Variants in PFKFB3 observed in about 807,000 individuals in gnomAD.
PFKFB3 encodes 6-phosphofructo-2-kinase/fructose-2,6-bisphosphatase 3.
In PFKFB3, 33 loss-of-function variants were observed where a neutral mutation model predicts 68.0. That is an observed-to-expected ratio of 0.49 (90% CI 0.37 to 0.65). The LOEUF is 0.65. PFKFB3 is among the 30% of genes least tolerant of loss of function. PFKFB3 has a pLI of 0.00. For missense variants in PFKFB3, 586 were observed against 712.2 expected (o/e 0.82, Z 2.02); for synonymous variants, 315 against 288.2 (o/e 1.09, Z -0.94).
At position 6,221,492 on chromosome 10, in the gene PFKFB3, T is replaced by A; in HGVS notation, c.943T>A (p.Tyr315Asn). Reference sequence around the variant, plus strand: ...GACGGCCGAGGCGCTGCGGCTGCCCTACGAGCAGTGGAAGGCGCTCAATGA... The same window carrying A: ...GACGGCCGAGGCGCTGCGGCTGCCCAACGAGCAGTGGAAGGCGCTCAATGA... Reference protein sequence around the residue: ...IQTAEALRLPYEQWKALNEID... With the variant: ...IQTAEALRLPNEQWKALNEID... Residue 315 changes from tyrosine (Y) to asparagine (N), a missense_variant, in exon 9 of 15, where the codon TAC (tyrosine) becomes AAC (asparagine). Transcript: ENST00000379775. 6.2e-7 allele frequency: 1 copy of A among 1,613,490 alleles called. No homozygotes were observed. The highest frequency in any genetic ancestry group is 8.5e-7 in the Non-Finnish European group (1 of 1,180,000).
rs866200991 is a variant in PFKFB3 at position 6,163,656 on chromosome 10, G to A, written c.16+18643G>A. ...GGCGCCTAAGCCAGCTGGGTCCCGG[G>A]CCCCGGGAGCAGCTGCGGGCCCGAC... On this transcript the variant is annotated intron_variant, in intron 1 of 14. Coordinates refer to the PFKFB3 transcript ENST00000379789. Among the ~76,000 whole-genome samples the A allele has an allele frequency of 4.1e-4, 63 of 152,144 alleles. No individual in the cohort carries two copies. In the Middle Eastern group the frequency reaches 0.027, roughly 66 times the overall value.
chr10:6,296,560 A>G, the PFKFB3 span, among the ~76,000 whole-genome samples: 3 of 152,228 alleles, frequency 2.0e-5, no homozygotes, highest in Admixed American at 1.3e-4. Context: ...TCTGGATTAT[A>G]TGCTAAACAA....
intron 1 of PFKFB3, chr10:6,145,050 C>T (rs768203910): frequency 3.8e-6 from 5 of 1,313,096 alleles, no homozygotes; most frequent in African/African-American, 1.5e-5. Context: ...GCCCCCAGCG[C>T]GCGCGGGGAC....
At chr10:6,145,189 G>T (rs1268853268) in intron 1 of PFKFB3, among the ~76,000 whole-genome samples, 7 of 151,988 alleles carry the variant, frequency 4.6e-5, no homozygotes, top group Non-Finnish European at 1.0e-4. Context: ...TCCGCCCTGC[G>T]CTGCGCCCCG....
At chr10:6,219,997 G>GT (rs1844842318) in intron 7 of PFKFB3, among the ~76,000 whole-genome samples, 1 of 152,192 alleles carries the variant, frequency 6.6e-6, no homozygotes, top group Non-Finnish European at 1.5e-5. Context: ...AGTACAGGAA[G>GT]TCAACATAGA....
chr10:6,203,223 C>G lies in PFKFB3; in HGVS notation c.-38C>G, dbSNP rs369169953. The stretch of plus-strand genomic sequence containing the variant: ...CGCTCTCCTGCCAGCGTCGGGATCT[C>G]GGCCCCGGGAGGCGGGCCGTCGGGC... On this transcript the variant is annotated 5_prime_UTR_variant, in exon 1 of 15. Transcript: ENST00000379775. 5 of 1,599,038 alleles carry G rather than the reference C, an allele frequency of 3.1e-6. No individual in the cohort carries two copies. Among genetic ancestry groups the G allele is most frequent in the Non-Finnish European group, 4.3e-6 (5 of 1,173,886 alleles).
At chr10:6,155,579 T>G (rs1841754505) in intron 1 of PFKFB3, among the ~76,000 whole-genome samples, 1 of 152,112 alleles carries the variant, frequency 6.6e-6, no homozygotes, top group African/African-American at 2.4e-5. Context: ...TTCCTCCGTT[T>G]CCATAAATGT....
chr10:6,296,984 A>G, the PFKFB3 span, among the ~76,000 whole-genome samples: 2 of 152,194 alleles, frequency 1.3e-5, no homozygotes, highest in African/African-American at 4.8e-5. Flanking sequence ...TCTGACAGGA[A>G]CCCAAGGTAA....
the PFKFB3 span, among the ~76,000 whole-genome samples, chr10:6,260,290 G>A: frequency 6.6e-6 from 1 of 151,808 alleles, no homozygotes; most frequent in African/African-American, 2.4e-5. Context: ...GCGGGTTCCT[G>A]TAGTCCTAGC....
intron 5 of PFKFB3, 97 bp from the exon 6 acceptor site, chr10:6,217,038 C>T (rs183108969): frequency 2.9e-5 from 36 of 1,230,442 alleles, no homozygotes; most frequent in Middle Eastern, 1.9e-4. Context: ...TGGTGGGTGG[C>T]GTGCTTCCGC....
intron 1 of PFKFB3, among the ~76,000 whole-genome samples, chr10:6,163,609 G>C (rs1366180281): frequency 1.3e-5 from 2 of 152,066 alleles, no homozygotes; most frequent in Non-Finnish European, 2.9e-5. Flanking sequence ...CCCCGCGCCT[G>C]CTTCCTCCCA....
At chr10:6,188,921 G>A (rs1219444256) in intron 1 of PFKFB3, among the ~76,000 whole-genome samples, 5 of 143,940 alleles carry the variant, frequency 3.5e-5, no homozygotes, top group African/African-American at 7.8e-5. Flanking sequence ...TGCAAGCTCC[G>A]CCTCCCAGGT....
the PFKFB3 span, among the ~76,000 whole-genome samples, chr10:6,290,293 G>A: frequency 6.6e-6 from 1 of 151,702 alleles, no homozygotes; most frequent in African/African-American, 2.4e-5. Flanking sequence ...AGTTTTCAAA[G>A]AGAATGCTTC....
chr10:6,180,414 T>C (rs1006656302), intron 1 of PFKFB3, among the ~76,000 whole-genome samples: 2 of 152,242 alleles, frequency 1.3e-5, no homozygotes, highest in African/African-American at 4.8e-5. Context: ...ATAGCCATTG[T>C]TAACATTTCA....
At chr10:6,189,060 C>G (rs916365117) in intron 1 of PFKFB3, among the ~76,000 whole-genome samples, 1 of 152,084 alleles carries the variant, frequency 6.6e-6, no homozygotes, top group Admixed American at 6.5e-5. Context: ...AGGATGGTCT[C>G]GATCTCCTGA....
the PFKFB3 span, chr10:6,326,545 G>C: frequency 2.2e-6 from 1 of 456,220 alleles, no homozygotes; most frequent in South Asian, 1.6e-5. Context: ...TTGTCTTCTA[G>C]ATATGGAGTT....
intron 1 of PFKFB3, among the ~76,000 whole-genome samples, chr10:6,181,104 T>C (rs1435630642): frequency 6.6e-6 from 1 of 152,184 alleles, no homozygotes; most frequent in Non-Finnish European, 1.5e-5. Flanking sequence ...AACCTCAAAC[T>C]CCTGGGCTCA....
rs77648515 is a variant in PFKFB3, at chr10:6,228,029, C to G, written c.1515+1664C>G. On this transcript the variant is annotated intron_variant, in intron 14 of 14. Transcript: ENST00000379775. The surrounding 1 kb of genome is among the most constrained non-coding windows in gnomAD (Gnocchi z 4.5). The stretch of plus-strand genomic sequence containing the variant: ...GTGGCAGGGGCTGCATCCTCCTGTC[C>G]GCTTCAGAGCTGCCCCTGGCGTTGG... Among the ~76,000 whole-genome samples the G allele has an allele frequency of 6.6e-6, 1 of 152,250 alleles. No individual in the cohort carries two copies. Among genetic ancestry groups the G allele is most frequent in the Non-Finnish European group, 1.5e-5 (1 of 68,018 alleles).
At chr10:6,265,760 C>T in the PFKFB3 span, among the ~76,000 whole-genome samples, 1 of 152,212 alleles carries the variant, frequency 6.6e-6, no homozygotes, top group Non-Finnish European at 1.5e-5. Flanking sequence ...TTAGCTTTCA[C>T]TGATGATTCT....
Sources: allele counts gnomAD v4.1 joint callset (sites outside exome capture counted in the v4.1 genomes callset), GRCh38; gene constraint gnomAD v4.1.1; non-coding constraint Gnocchi (gnomAD v3.1); transcripts MANE v1.5; gene names NCBI Gene and HGNC (gene_info 2026-07-23, HGNC 2026-07-21).